RAC1: variants seen among roughly 807,000 people sequenced by gnomAD.
RAC1 encodes Rac family small GTPase 1.
In RAC1, 2 loss-of-function variants were observed where a neutral mutation model predicts 25.2. The ratio of observed to expected loss-of-function variants is 0.08; its 90% CI spans 0.03 to 0.25. The LOEUF is 0.25. RAC1 is among the 10% of genes least tolerant of loss of function. The pLI is 1.00. For synonymous variants in RAC1, 88 were observed against 94.0 expected, an observed-to-expected ratio of 0.94 and a Z score of 0.37; for missense variants, 50 against 235.7, an observed-to-expected ratio of 0.21 and a Z score of 5.16.
intron 1 of RAC1, among the ~76,000 whole-genome samples, chr7:6,385,996 G>A (rs181802014): frequency 6.6e-6 from 1 of 152,242 alleles, no homozygotes; most frequent in African/African-American, 2.4e-5. Flanking sequence ...TAATGATGTG[G>A]TGACCTTAGT....
At chr7:6,399,658 AAGT>A (rs1391186614) in intron 3 of RAC1, among the ~76,000 whole-genome samples, 1 of 152,170 alleles carries the variant, frequency 6.6e-6, no homozygotes, top group East Asian at 1.9e-4. Flanking sequence ...GGAAGGGCTC[AAGT>A]AGCAAATATT....
At chr7:6,394,431 G>A (rs953584643) in intron 3 of RAC1, among the ~76,000 whole-genome samples, 4 of 152,066 alleles carry the variant, frequency 2.6e-5, no homozygotes, top group African/African-American at 4.8e-5. Flanking sequence ...TCAGAGTAAC[G>A]CTCAAGTCCA....
intron 1 of RAC1, among the ~76,000 whole-genome samples, chr7:6,377,288 G>C (rs1316676045): frequency 6.6e-6 from 1 of 151,914 alleles, no homozygotes; most frequent in African/African-American, 2.4e-5. Flanking sequence ...CTACAGCTAA[G>C]TGATATTAGA....
chr7:6,385,777 T>C (rs1376271833), intron 1 of RAC1, among the ~76,000 whole-genome samples: 1 of 152,156 alleles, frequency 6.6e-6, no homozygotes, highest in Non-Finnish European at 1.5e-5. Context: ...TAATTTATAG[T>C]AGTTGAGATT....
chr7:6,394,574 C>G (rs1031393230), intron 3 of RAC1, among the ~76,000 whole-genome samples: 1 of 152,160 alleles, frequency 6.6e-6, no homozygotes, highest in African/African-American at 2.4e-5. Context: ...GAGACTCAGG[C>G]TGTGCAGCGG....
intron 1 of RAC1, among the ~76,000 whole-genome samples, chr7:6,380,119 C>G (rs979941593): frequency 6.6e-6 from 1 of 152,168 alleles, no homozygotes; most frequent in Non-Finnish European, 1.5e-5. Context: ...TGACATCATC[C>G]TTACAGGAAC....
chr7:6,400,579 G>T (rs1007240304), intron 4 of RAC1, among the ~76,000 whole-genome samples: 1 of 152,198 alleles, frequency 6.6e-6, no homozygotes, highest in Non-Finnish European at 1.5e-5. Flanking sequence ...TTCAGCTTCA[G>T]CCTCCCAAAG....
chr7:6,385,751 AC>A (rs1782907136), intron 1 of RAC1, among the ~76,000 whole-genome samples: 1 of 152,178 alleles, frequency 6.6e-6, no homozygotes, highest in Non-Finnish European at 1.5e-5. Flanking sequence ...AAAGCGCTTA[AC>A]TTTATGGTGA....
chr7:6,402,525 CA>C lies in RAC1; in HGVS notation c.*91del, dbSNP rs1170377612. On this transcript the variant is annotated 3_prime_UTR_variant, in exon 6 of 6. Coordinates refer to ENST00000348035, the MANE Select transcript of RAC1 (RefSeq NM_006908.5). ...CTCAAAAAAAAACAAAAAAAAAAAA[CA>C]AAAAAAAAAAACAACGGTGGAGCCT... 0.014 allele frequency: 2,793 copies of C among 202,106 alleles called. 18 individuals carry two copies. Among genetic ancestry groups the C allele is most frequent in the Middle Eastern group, 0.025 (16 of 650 alleles). 12.5% of individuals were successfully genotyped at this position (202,106 alleles called of 1,614,324 possible).
intron 2 of RAC1, among the ~76,000 whole-genome samples, chr7:6,390,850 T>A (rs954212440): frequency 3.3e-5 from 5 of 152,170 alleles, no homozygotes; most frequent in Non-Finnish European, 5.9e-5. Flanking sequence ...ATTTTTTTCT[T>A]ATGGAAATAT....
At chr7:6,401,831 G>C in intron 4 of RAC1, 37 bp from the exon 5 acceptor site, 1 of 1,590,988 alleles carries the variant, frequency 6.3e-7, no homozygotes. Context: ...ATCTGTAAAG[G>C]AGCGTGTCAC....
At chr7:6,402,228 C>CG (rs1037068493) in intron 5 of RAC1, 88 bp from the exon 6 acceptor site, 4 of 1,516,500 alleles carry the variant, frequency 2.6e-6, no homozygotes, top group African/African-American at 1.4e-5. Context: ...AGAAGGCGCC[C>CG]GGGCCCCAGG....
At chr7:6,377,592 C>T (rs1782644584) in intron 1 of RAC1, among the ~76,000 whole-genome samples, 1 of 151,008 alleles carries the variant, frequency 6.6e-6, no homozygotes, top group South Asian at 2.1e-4. Flanking sequence ...GAGACCTTGT[C>T]TCAAAAAAGC....
chr7:6,378,371 C>T (rs1033604659), intron 1 of RAC1, among the ~76,000 whole-genome samples: 4 of 151,708 alleles, frequency 2.6e-5, no homozygotes, highest in Non-Finnish European at 5.9e-5. Context: ...CATGGCAAAA[C>T]CCTGTCTCTA....
At chr7:6,386,506 G>T (rs1381233909) in intron 1 of RAC1, among the ~76,000 whole-genome samples, 1 of 152,106 alleles carries the variant, frequency 6.6e-6, no homozygotes, top group East Asian at 1.9e-4. Context: ...TTTAGGCTGG[G>T]TGTGGTGGCT....
At chr7:6,392,188 A>T in intron 3 of RAC1, 147 bp downstream of exon 3, 1 of 1,397,030 alleles carries the variant, frequency 7.2e-7, no homozygotes. Context: ...GGTTCCATGT[A>T]AACATCCCCC....
At chr7:6,391,835 C>A (rs922662512) in intron 2 of RAC1, 89 bp from the exon 3 acceptor site, 1 of 1,595,260 alleles carries the variant, frequency 6.3e-7, no homozygotes, top group African/African-American at 1.3e-5. Flanking sequence ...CCGTCCCCAG[C>A]CTTTTTCTTG....
At chr7:6,385,564 GTTTAGAAAGCC>G (rs1327150143) in intron 1 of RAC1, among the ~76,000 whole-genome samples, 1 of 152,144 alleles carries the variant, frequency 6.6e-6, no homozygotes, top group Non-Finnish European at 1.5e-5. Flanking sequence ...AGTCATTTCT[GTTTAGAAAGCC>G]TTTAGGAGTT....
At chr7:6,379,689 C>A (rs1161937101) in intron 1 of RAC1, among the ~76,000 whole-genome samples, 1 of 152,162 alleles carries the variant, frequency 6.6e-6, no homozygotes, top group African/African-American at 2.4e-5. Flanking sequence ...GGATTATGGG[C>A]GTGAGCCATC....
Sources: allele counts gnomAD v4.1 joint callset (sites outside exome capture counted in the v4.1 genomes callset), GRCh38; gene constraint gnomAD v4.1.1; transcripts MANE v1.5; gene names NCBI Gene and HGNC (gene_info 2026-07-23, HGNC 2026-07-21).